Variants in TMEM131L observed in about 807,000 individuals in gnomAD.
TMEM131L encodes the protein transmembrane 131 like.
Under a neutral mutation model 192.2 loss-of-function variants are expected in TMEM131L, and 54 were observed. The observed-to-expected ratio is 0.28, with a 90% CI of 0.23 to 0.35. The LOEUF (loss-of-function observed/expected upper bound fraction) is 0.35. TMEM131L is among the 10% of genes least tolerant of loss of function. The pLI, the probability that TMEM131L is intolerant of heterozygous loss-of-function variation, is 1.00. For missense variants in TMEM131L, 1,888 were observed against 1,972.9 expected (o/e 0.96, Z 0.82); for synonymous variants, 701 against 704.9 (o/e 0.99, Z 0.09).
intron 3 of TMEM131L, among the ~76,000 whole-genome samples, chr4:153,484,819 T>C (rs1732200751): frequency 7.2e-6 from 1 of 139,098 alleles, no homozygotes; most frequent in South Asian, 2.3e-4. Context: ...TCTTTGGAAA[T>C]TAAAAAAAAA....
chr4:153,627,143 G>A (rs1665595158), intron 30 of TMEM131L, among the ~76,000 whole-genome samples: 1 of 152,084 alleles, frequency 6.6e-6, no homozygotes, highest in Admixed American at 6.6e-5. Flanking sequence ...TGGGTTTATT[G>A]GGGGTAGGTT....
chr4:153,630,697 G>A (rs1218686367), intron 31 of TMEM131L, among the ~76,000 whole-genome samples: 1 of 152,152 alleles, frequency 6.6e-6, no homozygotes, highest in Non-Finnish European at 1.5e-5. Context: ...CTGCCCATAG[G>A]ATGTGCGTGA....
chr4:153,536,671 C>T (rs185656523), intron 3 of TMEM131L, among the ~76,000 whole-genome samples: 68 of 152,272 alleles, frequency 4.5e-4, no homozygotes, highest in African/African-American at 1.5e-3. Context: ...CTGACAGAAT[C>T]GATCGATCTA....
At chr4:153,590,683 A>G (rs1468419844) in intron 16 of TMEM131L, among the ~76,000 whole-genome samples, 1 of 152,132 alleles carries the variant, frequency 6.6e-6, no homozygotes, top group Admixed American at 6.5e-5. Flanking sequence ...TTTTTCTAAA[A>G]GAGTGTTTCT....
chr4:153,620,517 C>T lies in TMEM131L; in HGVS notation c.3568-239C>T, dbSNP rs188129299. 2.0e-5 allele frequency among the ~76,000 whole-genome samples: 3 copies of T among 152,248 alleles called. No homozygotes were observed. In the East Asian group the frequency reaches 5.8e-4, roughly 29 times the overall value. On this transcript the variant is annotated intron_variant, in intron 26 of 34. Transcript: ENST00000409959. ...CATAAATTGCTAGCAGATGTTTTTC[C>T]TTTTTAGCCTCTTAGGAATTTTATA...
chr4:153,523,541 A>C (rs974065895), intron 3 of TMEM131L, among the ~76,000 whole-genome samples: 2 of 152,180 alleles, frequency 1.3e-5, no homozygotes, highest in African/African-American at 4.8e-5. Flanking sequence ...AAGAAGGGGA[A>C]GTCTTTGAGG....
At chr4:153,478,345 T>G (rs1731696501) in intron 3 of TMEM131L, among the ~76,000 whole-genome samples, 2 of 152,236 alleles carry the variant, frequency 1.3e-5, no homozygotes, top group South Asian at 2.1e-4. Context: ...TCTACCTTCT[T>G]AATTTTGTAA....
chr4:153,614,352 G>A (rs964476826), intron 26 of TMEM131L, among the ~76,000 whole-genome samples: 1 of 152,230 alleles, frequency 6.6e-6, no homozygotes, highest in South Asian at 2.1e-4. Flanking sequence ...GAAGGTGGTG[G>A]TATCCGTAGA....
rs1183225612 is a variant in TMEM131L at position 153,516,089 on chromosome 4, C to CTA, written c.240-33981_240-33980dup. ...TGTATTTTTATTTTTGAGTCATGTACTATAAATGGTATGTTATTTTTATAT... is the reference window on the plus strand; with the variant it reads ...TGTATTTTTATTTTTGAGTCATGTACTATATAAATGGTATGTTATTTTTATAT... On this transcript the variant is annotated intron_variant, in intron 3 of 34. Transcript: ENST00000409959. Among the ~76,000 whole-genome samples, 4 of 151,944 alleles carry CTA rather than the reference C, an allele frequency of 2.6e-5. No homozygotes were observed. The East Asian group carries it at 7.7e-4, about 29-fold the overall frequency.
At chr4:153,602,079 T>C (rs1731877622) in intron 21 of TMEM131L, 73 bp from the exon 22 acceptor site, 1 of 925,662 alleles carries the variant, frequency 1.1e-6, no homozygotes, top group Non-Finnish European at 1.6e-6. Context: ...TCAATAAATA[T>C]CGATCCAATA....
chr4:153,525,464 C>T (rs952755281), intron 3 of TMEM131L, among the ~76,000 whole-genome samples: 1 of 152,046 alleles, frequency 6.6e-6, no homozygotes, highest in African/African-American at 2.4e-5. Context: ...CTCAGCCTCC[C>T]AGGTAGCTGG....
intron 28 of TMEM131L, among the ~76,000 whole-genome samples, chr4:153,622,680 C>G (rs1485359358): frequency 6.6e-6 from 1 of 152,178 alleles, no homozygotes; most frequent in East Asian, 1.9e-4. Context: ...CTCTTAGCCC[C>G]TAATTGCTCC....
At chr4:153,474,471 G>A (rs1731385310) in intron 3 of TMEM131L, among the ~76,000 whole-genome samples, 1 of 152,226 alleles carries the variant, frequency 6.6e-6, no homozygotes, top group South Asian at 2.1e-4. Context: ...GGCAATCCAG[G>A]AACTTGGAGA....
chr4:153,582,899 G>C (rs1030287400), intron 9 of TMEM131L, among the ~76,000 whole-genome samples: 3 of 152,098 alleles, frequency 2.0e-5, no homozygotes, highest in Non-Finnish European at 4.4e-5. Flanking sequence ...TCATTCAGAA[G>C]AGCATTGTGT....
intron 3 of TMEM131L, among the ~76,000 whole-genome samples, chr4:153,532,169 A>G (rs773602409): frequency 3.3e-5 from 5 of 152,236 alleles, no homozygotes; most frequent in Admixed American, 6.5e-5. Context: ...TTGCACTTGG[A>G]TAATAGTCAG....
intron 3 of TMEM131L, among the ~76,000 whole-genome samples, chr4:153,506,442 C>G (rs1445548474): frequency 1.3e-5 from 2 of 152,188 alleles, no homozygotes; most frequent in Admixed American, 1.3e-4. Flanking sequence ...AATAGAGAAA[C>G]AGTTTACACA....
chr4:153,574,762 A>G (rs1360002930), intron 7 of TMEM131L, among the ~76,000 whole-genome samples: 3 of 151,856 alleles, frequency 2.0e-5, no homozygotes, highest in African/African-American at 4.8e-5. Flanking sequence ...AAATTTTTGT[A>G]TTTTTACTAG....
chr4:153,581,919 A>G (rs1397584544), intron 9 of TMEM131L, among the ~76,000 whole-genome samples: 5 of 152,206 alleles, frequency 3.3e-5, no homozygotes, highest in Non-Finnish European at 7.4e-5. Flanking sequence ...ATTTAACCAC[A>G]TCATGCTGTT....
Position 153,584,816 on chromosome 4 carries a change from A to G in TMEM131L, c.1061-19A>G, listed in dbSNP as rs1476035606. On this transcript the variant is annotated intron_variant, in intron 11 of 34. Coordinates refer to ENST00000409959, the MANE Select transcript of TMEM131L (RefSeq NM_001131007.2). ...GAAAAGGTACTTAAGCTTCACATTT[A>G]TTTCTTTATACCACAAAGCAGCTAC... The G allele has an allele frequency of 3.2e-6, 5 of 1,582,982 alleles. No individual in the cohort carries two copies. The highest frequency in any genetic ancestry group is 4.3e-6 in the Non-Finnish European group (5 of 1,152,324).
Sources: gnomAD v4.1 joint callset for allele counts (sites outside exome capture counted in the v4.1 genomes callset) on GRCh38, gnomAD v4.1.1 for gene constraint, MANE v1.5 for transcripts, NCBI Gene and HGNC (gene_info 2026-07-23, HGNC 2026-07-21) for gene names.